Variants in PHF2 observed in about 807,000 individuals in gnomAD.
PHF2 encodes PHD finger protein 2, also known as lysine-specific demethylase PHF2.
Under a neutral mutation model 120.5 loss-of-function variants are expected in PHF2, and 27 were observed. The observed-to-expected ratio is 0.22, with a 90% CI of 0.17 to 0.31. PHF2 has a LOEUF of 0.31. Among genes scored for constraint, PHF2 ranks in the 10% least tolerant of loss-of-function variants. The probability of loss-of-function intolerance (pLI) is 1.00; values close to 1 mark genes in which losing one functional copy is unlikely to be tolerated. For synonymous variants in PHF2, 568 were observed against 592.5 expected, an observed-to-expected ratio of 0.96 and a Z score of 0.60; for missense variants, 1,024 against 1,434.8, an observed-to-expected ratio of 0.71 and a Z score of 4.63.
At chr9:93,616,347 T>C (rs1825728964) in intron 1 of PHF2, among the ~76,000 whole-genome samples, 1 of 152,214 alleles carries the variant, frequency 6.6e-6, no homozygotes, top group Admixed American at 6.5e-5. Flanking sequence ...TTAAAGCTTT[T>C]GATACATACA....
In PHF2 at chr9:93,677,268, G is replaced by C. The variant is rs554127034; in HGVS notation, c.3202+305G>C. Among the ~76,000 whole-genome samples the C allele has an allele frequency of 6.6e-6, 1 of 151,502 alleles. No individual in the cohort carries two copies. Among genetic ancestry groups the C allele is most frequent in the South Asian group, 2.1e-4 (1 of 4,680 alleles). ...ACTGAGTGATGCAGCACGGGGTGCTGGCAGTGGCTCCTGGCCTTGTTACTG... is the reference window on the plus strand; with the variant it reads ...ACTGAGTGATGCAGCACGGGGTGCTCGCAGTGGCTCCTGGCCTTGTTACTG... On this transcript the variant is annotated intron_variant, in intron 21 of 21. Transcript: ENST00000359246. The surrounding 1 kb of genome is among the most constrained non-coding windows in gnomAD (Gnocchi z 4.4).
At chr9:93,627,492 ATTT>A (rs55647503) in intron 1 of PHF2, among the ~76,000 whole-genome samples, 7 of 108,164 alleles carry the variant, frequency 6.5e-5, no homozygotes, top group Admixed American at 9.8e-5. Flanking sequence ...TTATTTCAGG[ATTT>A]TTTTTTTTTT....
chr9:93,650,811 G>A (rs753821441), intron 5 of PHF2, among the ~76,000 whole-genome samples: 9 of 152,318 alleles, frequency 5.9e-5, no homozygotes, highest in Non-Finnish European at 1.0e-4. Flanking sequence ...CGTAAGGCGC[G>A]GGTGGCTAAG....
At chr9:93,596,963 C>T (rs1340566373) in intron 1 of PHF2, among the ~76,000 whole-genome samples, 6 of 133,104 alleles carry the variant, frequency 4.5e-5, no homozygotes, top group African/African-American at 1.7e-4. Context: ...GACAGAGTCT[C>T]GCTGTCTCCC....
intron 1 of PHF2, among the ~76,000 whole-genome samples, chr9:93,624,832 A>G (rs1470442868): frequency 9.3e-5 from 14 of 150,074 alleles, no homozygotes; most frequent in East Asian, 2.0e-4. Flanking sequence ...GATGGTGATG[A>G]TGATGATGGT....
intron 1 of PHF2, among the ~76,000 whole-genome samples, chr9:93,613,393 G>A (rs529406653): frequency 3.5e-4 from 53 of 152,148 alleles, no homozygotes; most frequent in Non-Finnish European, 6.8e-4. Context: ...TTATAGCCCC[G>A]ATGGGTCATG....
intron 7 of PHF2, among the ~76,000 whole-genome samples, chr9:93,655,076 CT>C: frequency 6.6e-6 from 1 of 152,316 alleles, no homozygotes; most frequent in South Asian, 2.1e-4. Flanking sequence ...CTGTGTGCCC[CT>C]AGATGACGTT....
At chr9:93,620,833 T>G (rs985610545) in intron 1 of PHF2, among the ~76,000 whole-genome samples, 15 of 152,236 alleles carry the variant, frequency 9.9e-5, no homozygotes, top group African/African-American at 3.4e-4. Flanking sequence ...TCTGAATAAT[T>G]TCTTAGGGGG....
At chr9:93,663,742 A>T in intron 14 of PHF2, 107 bp downstream of exon 14, 1 of 670,160 alleles carries the variant, frequency 1.5e-6, no homozygotes, top group Non-Finnish European at 2.7e-6. Context: ...CACATTACAC[A>T]CACACTATGC....
intron 4 of PHF2, among the ~76,000 whole-genome samples, chr9:93,646,554 T>G (rs1390288853): frequency 1.3e-5 from 2 of 152,182 alleles, no homozygotes; most frequent in Non-Finnish European, 1.5e-5. Context: ...GGCCTCTCAG[T>G]GCTGGGGCTT....
At chr9:93,660,052 G>A (rs1364212332) in intron 11 of PHF2, 140 bp from the exon 12 acceptor site, 18 of 1,003,944 alleles carry the variant, frequency 1.8e-5, no homozygotes, top group Middle Eastern at 4.3e-4. Flanking sequence ...TCACATGATG[G>A]TGTGGGGTAG....
chr9:93,656,862 G>A lies in PHF2; in HGVS notation c.1147+267G>A, dbSNP rs1282594525. 6.6e-6 allele frequency among the ~76,000 whole-genome samples: 1 copy of A among 152,188 alleles called. No individual in the cohort carries two copies. Among genetic ancestry groups the A allele is most frequent in the Non-Finnish European group, 1.5e-5 (1 of 68,028 alleles). The stretch of plus-strand genomic sequence containing the variant: ...TGGGTTGAGAGGGGTGAGTGTGCAT[G>A]GCCTCAGTGCAGGTATCAATCACAC... On this transcript the variant is annotated intron_variant, in intron 9 of 21. Coordinates refer to ENST00000359246, the MANE Select transcript of PHF2 (RefSeq NM_005392.4). The surrounding 1 kb of genome is among the most constrained non-coding windows in gnomAD (Gnocchi z 4.1).
intron 3 of PHF2, among the ~76,000 whole-genome samples, chr9:93,640,336 T>A (rs529346394): frequency 6.6e-5 from 10 of 152,104 alleles, no homozygotes; most frequent in Non-Finnish European, 1.3e-4. Flanking sequence ...CTGTTTGTAG[T>A]TCTTCTTCTA....
chr9:93,654,299 G>A, intron 6 of PHF2, 114 bp from the exon 7 acceptor site: 5 of 878,124 alleles, frequency 5.7e-6, no homozygotes, highest in Middle Eastern at 2.2e-4. Flanking sequence ...CCTCAGTGTT[G>A]CAGGCGGGAG....
At chr9:93,666,199 A>C in intron 16 of PHF2, 139 bp downstream of exon 16, 1 of 705,436 alleles carries the variant, frequency 1.4e-6, no homozygotes. Flanking sequence ...CCCTCACCCC[A>C]CCCTTTCATG....
Position 93,677,964 on chromosome 9 carries a change from GCCC to G in PHF2, c.*291_*293del. 1 of 383,186 alleles carries G rather than the reference GCCC, an allele frequency of 2.6e-6. No homozygotes were observed. Among genetic ancestry groups the G allele is most frequent in the South Asian group, 3.6e-5 (1 of 27,720 alleles). 23.7% of individuals were successfully genotyped at this position (383,186 alleles called of 1,614,324 possible). ...ATTCCACTTTAAGGACAGCCTTCAG[GCCC>G]CCTGAGCGTGGGTGTGATTGCAGGG... On this transcript the variant is annotated 3_prime_UTR_variant, in exon 22 of 22. Transcript: ENST00000359246. This position sits in a 1 kb window ranked among gnomAD's most constrained non-coding sequence, Gnocchi z 4.4.
At chr9:93,669,551 A>C (rs1826744315) in intron 17 of PHF2, among the ~76,000 whole-genome samples, 1 of 152,194 alleles carries the variant, frequency 6.6e-6, no homozygotes, top group African/African-American at 2.4e-5. Flanking sequence ...AGTCCCTGTG[A>C]AACCCAAAAT....
In PHF2 at chr9:93,659,546, C is replaced by T. The variant is rs1826521901; in HGVS notation, c.1275C>T (p.His425=). ...AGCATGAGGACGAGCTCCCGGAGCA[C>T]TTCAAACCTTCACAGCTAATCAAAG... ...LAEHEDELPE[H]FKPSQLIKDL... is the part of the protein sequence containing the mutation. Residue 425 remains histidine, a synonymous_variant, in exon 11 of 22, where the codon CAC becomes CAT. Transcript: ENST00000359246. The T allele has an allele frequency of 1.2e-6, 2 of 1,614,140 alleles. No individual in the cohort carries two copies. Among genetic ancestry groups the T allele is most frequent in the Non-Finnish European group, 1.7e-6 (2 of 1,180,028 alleles).
At chr9:93,668,620 A>G (rs1199050551) in intron 17 of PHF2, among the ~76,000 whole-genome samples, 1 of 152,034 alleles carries the variant, frequency 6.6e-6, no homozygotes, top group African/African-American at 2.4e-5. Flanking sequence ...GGAGATGGGG[A>G]CAGAGGTGGG....
Sources: allele counts gnomAD v4.1 joint callset (sites outside exome capture counted in the v4.1 genomes callset), GRCh38; gene constraint gnomAD v4.1.1; non-coding constraint Gnocchi (gnomAD v3.1); transcripts MANE v1.5; gene names NCBI Gene and HGNC (gene_info 2026-07-23, HGNC 2026-07-21).